The following PAH variants were observed in gnomAD, a reference collection of about 807,000 sequenced individuals.
The protein encoded by PAH is phenylalanine-4-hydroxylase.
A neutral mutation model predicts 62.0 loss-of-function variants in PAH; 64 were observed. The observed-to-expected ratio is 1.03, with a 90% CI of 0.84 to 1.27. The LOEUF (loss-of-function observed/expected upper bound fraction) is 1.27, where lower values mean the gene tolerates loss of function less well. Ranked by LOEUF, PAH falls within the 50% of genes most tolerant of loss-of-function variation. The pLI is 0.00. For missense variants in PAH, 579 were observed against 542.8 expected (o/e 1.07, Z -0.66); for synonymous variants, 195 against 196.2 (o/e 0.99, Z 0.05).
intron 3 of PAH, 140 bp from the exon 4 acceptor site, chr12:102,877,690 T>C (rs1876634727): frequency 2.8e-6 from 2 of 716,992 alleles, no homozygotes; most frequent in Admixed American, 4.0e-5. Context: ...ATTACTATCG[T>C]TCAAAAGTTA....
rs1204650823 is a variant in PAH at position 102,887,021 on chromosome 12, G to GT, written c.352+7713dup. Among the ~76,000 whole-genome samples, 10 of 152,254 alleles carry GT rather than the reference G, an allele frequency of 6.6e-5. No individual in the cohort carries two copies. In the East Asian group the frequency reaches 1.7e-3, roughly 26 times the overall value. Reference sequence around the variant, plus strand: ...TCCCAACAGTCAAGGTTTTTAAAAAGTAAGGGCCACATAATTCATAACATG... The same window carrying GT: ...TCCCAACAGTCAAGGTTTTTAAAAAGTTAAGGGCCACATAATTCATAACATG... On this transcript the variant is annotated intron_variant, in intron 3 of 12. Transcript: ENST00000553106.
At chr12:102,955,647 TG>T (rs1218111425), upstream of PAH, among the ~76,000 whole-genome samples, 1 of 152,222 alleles carries the variant, frequency 6.6e-6, no homozygotes, top group African/African-American at 2.4e-5. Context: ...TTCCTATTTC[TG>T]CAAGTGGTCT....
chr12:102,842,501 G>C (rs1434482024), intron 11 of PAH, among the ~76,000 whole-genome samples: 1 of 152,080 alleles, frequency 6.6e-6, no homozygotes, highest in Non-Finnish European at 1.5e-5. Context: ...TATTCCAAAG[G>C]GTTCTCAAAC....
intron 3 of PAH, among the ~76,000 whole-genome samples, chr12:102,880,362 A>T (rs1310498950): frequency 6.6e-6 from 1 of 152,102 alleles, no homozygotes; most frequent in African/African-American, 2.4e-5. Context: ...CTTCTAAAAG[A>T]TCTTTCTTGC....
chr12:102,958,430 G>GCAA (rs727502892), upstream of PAH: 1 of 1,549,884 alleles, frequency 6.5e-7, no homozygotes, highest in Non-Finnish European at 8.7e-7. Flanking sequence ...AGCAGCAGCA[G>GCAA]GCGCCGCAGC....
intron 3 of PAH, among the ~76,000 whole-genome samples, chr12:102,887,306 A>C (rs923033478): frequency 2.0e-5 from 3 of 151,988 alleles, no homozygotes; most frequent in Admixed American, 1.3e-4. Flanking sequence ...CTCATATGCC[A>C]GTGCCATGTG....
intron 11 of PAH, among the ~76,000 whole-genome samples, chr12:102,841,202 C>T (rs1307330740): frequency 6.6e-6 from 1 of 152,150 alleles, no homozygotes; most frequent in African/African-American, 2.4e-5. Context: ...TGGCCTGGAC[C>T]CTTTGCTTTC....
chr12:102,876,961 C>T (rs980783738), intron 4 of PAH, among the ~76,000 whole-genome samples: 1 of 152,166 alleles, frequency 6.6e-6, no homozygotes, highest in Non-Finnish European at 1.5e-5. Context: ...ATTGTGGATG[C>T]TTCCAAGACT....
intron 3 of PAH, among the ~76,000 whole-genome samples, chr12:102,887,184 G>T (rs969360640): frequency 2.6e-5 from 4 of 151,984 alleles, no homozygotes; most frequent in Non-Finnish European, 5.9e-5. Flanking sequence ...AAGAAAAAAG[G>T]GAAAGAAGAA....
chr12:102,899,041 T>C (rs1299380251), intron 2 of PAH, among the ~76,000 whole-genome samples: 2 of 152,094 alleles, frequency 1.3e-5, no homozygotes, highest in African/African-American at 4.8e-5. Flanking sequence ...GCCAGAGAGA[T>C]ATAGATAGAT....
At position 102,895,733 on chromosome 12, in the gene PAH, C is replaced by T. The variant is rs1174982213; in HGVS notation, c.169-815G>A. Among the ~76,000 whole-genome samples, 4 of 151,472 alleles carry T rather than the reference C, an allele frequency of 2.6e-5. No individual in the cohort carries two copies. In the East Asian group the frequency reaches 7.8e-4, roughly 29 times the overall value. ...GCATGGTGGTGTGTGCCTGTAATCC[C>T]AATCCCAGCTACTTGGGAGGCTGAG... On this transcript the variant is annotated intron_variant, in intron 2 of 12. Transcript: ENST00000553106.
chr12:102,922,135 A>T, upstream of PAH, among the ~76,000 whole-genome samples: 1 of 147,292 alleles, frequency 6.8e-6, no homozygotes, highest in African/African-American at 2.5e-5. Flanking sequence ...ATATGCATAT[A>T]TTCCTTCCCT....
chr12:102,936,438 AT>A (rs1332128914), intron 1 of PAH, among the ~76,000 whole-genome samples: 2 of 151,966 alleles, frequency 1.3e-5, no homozygotes, highest in Non-Finnish European at 2.9e-5. Context: ...TTCTTTGTTA[AT>A]TTTCTGTCTC....
chr12:102,890,897 A>G (rs1013479356), intron 3 of PAH, among the ~76,000 whole-genome samples: 3 of 152,172 alleles, frequency 2.0e-5, no homozygotes, highest in African/African-American at 7.2e-5. Flanking sequence ...AGCCTGAACA[A>G]CATGGCGAAA....
intron 4 of PAH, among the ~76,000 whole-genome samples, chr12:102,867,923 A>ATAGATGTATATATACATGTATATACATC (rs1565854275): frequency 1.5e-4 from 21 of 138,428 alleles, no homozygotes; most frequent in African/African-American, 5.6e-4. Flanking sequence ...GTATATACAT[A>ATAGATGTATATATACATGTATATACATC]TATAGATGTA....
At chr12:102,915,820 A>AT (rs11384108) in intron 1 of PAH, among the ~76,000 whole-genome samples, 53,717 of 151,940 alleles carry the variant, frequency 0.35, 10,161 homozygotes, top group African/African-American at 0.46. Context: ...TATACAGCCT[A>AT]TTTTTTTAAT....
intron 12 of PAH, among the ~76,000 whole-genome samples, chr12:102,840,186 A>C (rs1269822861): frequency 6.6e-6 from 1 of 152,164 alleles, no homozygotes; most frequent in Non-Finnish European, 1.5e-5. Flanking sequence ...GGTGGAGTGG[A>C]ATCTAGGAAG....
rs1162831467 is a variant in PAH, at chr12:102,840,457, T to C, written c.1258A>G (p.Arg420Gly). 3.1e-6 allele frequency: 5 copies of C among 1,613,936 alleles called. No individual in the cohort carries two copies. The African/African-American group carries it at 6.7e-5, about 22-fold the overall frequency. Reference sequence around the variant, plus strand: ...TGGGTATTGTCCAAGACCTCAATCCTTTGGGTGTATGGGTCGTAGCGAACT... The same window carrying C: ...TGGGTATTGTCCAAGACCTCAATCCCTTGGGTGTATGGGTCGTAGCGAACT... ...FSVRYDPYTQRIEVLDNTQQL... is the reference protein window; with the variant it reads ...FSVRYDPYTQGIEVLDNTQQL... Residue 420 changes from arginine (R) to glycine (G), a missense_variant, in exon 12 of 13, where the codon AGG becomes GGG. By Grantham distance (125) the Arg-to-Gly change is moderately radical. Coordinates refer to ENST00000553106, the MANE Select transcript of PAH (RefSeq NM_000277.3).
At chr12:102,927,241 C>T (rs1878709100) in intron 1 of PAH, among the ~76,000 whole-genome samples, 2 of 151,350 alleles carry the variant, frequency 1.3e-5, no homozygotes, top group African/African-American at 4.9e-5. Flanking sequence ...TAAGGATCAA[C>T]ACTCACCAGG....
Sources: allele counts gnomAD v4.1 joint callset (sites outside exome capture counted in the v4.1 genomes callset), GRCh38; gene constraint gnomAD v4.1.1; transcripts MANE v1.5; gene names NCBI Gene and HGNC (gene_info 2026-07-23, HGNC 2026-07-21).